The following SIDT1 variants were observed in gnomAD, a reference collection of about 807,000 sequenced individuals.
SIDT1 encodes the protein SID1 transmembrane family member 1.
SIDT1 carries 101 observed loss-of-function variants against 107.5 expected under a neutral mutation model. The ratio of observed to expected loss-of-function variants is 0.94; its 90% CI spans 0.80 to 1.11. SIDT1 has a LOEUF of 1.11. SIDT1 is among the 50% of genes least tolerant of loss of function. The pLI, the probability that SIDT1 is intolerant of heterozygous loss-of-function variation, is 0.00. For synonymous variants in SIDT1, 395 were observed against 398.2 expected (o/e 0.99, Z 0.10); for missense variants, 1,076 against 1,058.2 (o/e 1.02, Z -0.23).
At chr3:113,608,276 G>T (rs1417687964) in intron 16 of SIDT1, 59 bp downstream of exon 16, 3 of 1,554,418 alleles carry the variant, frequency 1.9e-6, no homozygotes, top group Non-Finnish European at 1.7e-6. Context: ...GATCTGCAAA[G>T]GGGTGGGACA....
chr3:113,583,584 A>G (rs1028808167), intron 7 of SIDT1, 88 bp downstream of exon 7: 4 of 920,010 alleles, frequency 4.3e-6, no homozygotes, highest in Non-Finnish European at 6.5e-6. Context: ...TCTAGTTCCC[A>G]CTAAACAAGG....
rs189377792 is a variant in SIDT1 at position 113,599,818 on chromosome 3, A to T, written c.1046-1770A>T. On this transcript the variant is annotated intron_variant, in intron 10 of 24. Coordinates refer to ENST00000264852, the MANE Select transcript of SIDT1 (RefSeq NM_017699.3). The stretch of plus-strand genomic sequence containing the variant: ...AATAAGTCTAGTATACAGTAGGAAG[A>T]ATATATATAGTTAATAATATTGCAT... Among the ~76,000 whole-genome samples the T allele has an allele frequency of 4.7e-4, 71 of 152,314 alleles. 1 individual carries two copies. The East Asian group carries it at 0.013, about 28-fold the overall frequency.
chr3:113,556,238 AC>A (rs1172804940), intron 1 of SIDT1, among the ~76,000 whole-genome samples: 1 of 152,252 alleles, frequency 6.6e-6, no homozygotes, highest in Non-Finnish European at 1.5e-5. Context: ...GAATCAGACC[AC>A]AGGAATTTTT....
intron 1 of SIDT1, among the ~76,000 whole-genome samples, chr3:113,540,507 T>C (rs1233833572): frequency 6.6e-6 from 1 of 152,240 alleles, no homozygotes; most frequent in Non-Finnish European, 1.5e-5. Context: ...TATTTCATCA[T>C]GGGTGTTGAG....
downstream of SIDT1, among the ~76,000 whole-genome samples, chr3:113,634,172 A>G (rs190592776): frequency 6.6e-6 from 1 of 152,332 alleles, no homozygotes; most frequent in East Asian, 1.9e-4. Context: ...CTGAAGAAAT[A>G]AAAACAGCTC....
chr3:113,572,761 T>C (rs1428745002), intron 3 of SIDT1, among the ~76,000 whole-genome samples: 5 of 152,192 alleles, frequency 3.3e-5, no homozygotes, highest in African/African-American at 1.2e-4. Flanking sequence ...AAATTTATAG[T>C]CCTCCATGAA....
At chr3:113,619,058 C>T (rs1270664950) in intron 20 of SIDT1, among the ~76,000 whole-genome samples, 1 of 152,220 alleles carries the variant, frequency 6.6e-6, no homozygotes, top group Non-Finnish European at 1.5e-5. Context: ...CTCCTGACCT[C>T]AGGTAATCTG....
chr3:113,605,191 C>T (rs968508720), intron 14 of SIDT1, among the ~76,000 whole-genome samples: 6 of 139,262 alleles, frequency 4.3e-5, no homozygotes, highest in Non-Finnish European at 9.1e-5. Context: ...GGCACGATGT[C>T]GGCTCACTGC....
chr3:113,607,250 A>C, intron 15 of SIDT1, 136 bp downstream of exon 15: 1 of 590,756 alleles, frequency 1.7e-6, no homozygotes, highest in Non-Finnish European at 3.1e-6. Context: ...AACTAAACCA[A>C]GAAGTTGAGA....
intron 3 of SIDT1, among the ~76,000 whole-genome samples, chr3:113,569,138 C>CAAAAAAAAAA (rs780715523): frequency 1.8e-5 from 1 of 55,486 alleles, no homozygotes; most frequent in Admixed American, 2.2e-4. Flanking sequence ...GACTCCCTCT[C>CAAAAAAAAAA]AAAAAAAAAA....
intron 1 of SIDT1, among the ~76,000 whole-genome samples, chr3:113,559,656 G>T (rs918529010): frequency 3.3e-5 from 5 of 152,056 alleles, no homozygotes; most frequent in African/African-American, 1.2e-4. Flanking sequence ...TGTTGCTTAG[G>T]CTGGTTTCGA....
chr3:113,621,756 A>T (rs1330335764), intron 21 of SIDT1, among the ~76,000 whole-genome samples: 3 of 152,210 alleles, frequency 2.0e-5, no homozygotes, highest in African/African-American at 7.2e-5. Flanking sequence ...GTTAGGCAAA[A>T]ATTTCAAAGA....
Position 113,585,187 on chromosome 3 carries a change from T to G in SIDT1, c.918T>G (p.Tyr306Ter). 1 of 1,613,064 alleles carries G rather than the reference T, an allele frequency of 6.2e-7. No homozygotes were observed. The highest frequency in any genetic ancestry group is 8.5e-7 in the Non-Finnish European group (1 of 1,179,096). ...TTTCTCTCCCTTCAGAATCTGTTTA[T>G]GTGAAATCCAGTCTTTTCAGTGTCT... Reference protein sequence around the residue: ...TIVPSIKESVYVKSSLFSVFI... With the variant: ...TIVPSIKESV Residue 306 changes from tyrosine to a stop codon, truncating the protein, a stop_gained, in exon 9 of 25, where the codon TAT (tyrosine) becomes TAG (stop). Transcript: ENST00000264852. LOFTEE classifies it high-confidence loss of function.
chr3:113,581,323 A>G (rs1207661636), intron 5 of SIDT1, 38 bp from the exon 6 acceptor site: 2 of 1,517,830 alleles, frequency 1.3e-6, no homozygotes, highest in Non-Finnish European at 1.8e-6. Flanking sequence ...GCATGACATT[A>G]TGGATGCTTT....
rs376029862 is a variant in SIDT1 at position 113,627,602 on chromosome 3, A to G, written c.2422-44A>G. ...GAGAGAAAACAGGACTTAGTGTGAC[A>G]GTGACTGTCCATTCCTTTCATTTCT... On this transcript the variant is annotated intron_variant, in intron 24 of 24. Transcript: ENST00000264852. The G allele has an allele frequency of 2.2e-5, 35 of 1,584,852 alleles. No individual in the cohort carries two copies. In the African/African-American group the frequency reaches 3.6e-4, roughly 16 times the overall value.
In SIDT1 at chr3:113,532,969, C is replaced by A; in HGVS notation, c.-53C>A. ...GGGCTTTGGAAGGACCCTCTCTGCG[C>A]TCGCCCCCTCCCCAGGGTGGCTCCG... is the stretch of plus-strand genomic sequence containing the variant. On this transcript the variant is annotated 5_prime_UTR_variant, in exon 1 of 25. Coordinates refer to ENST00000264852, the MANE Select transcript of SIDT1 (RefSeq NM_017699.3). 1 of 1,224,826 alleles carries A rather than the reference C, an allele frequency of 8.2e-7. No homozygotes were observed. Among genetic ancestry groups the A allele is most frequent in the Non-Finnish European group, 1.0e-6 (1 of 954,416 alleles). The allele number at this position is 1,224,826 out of a possible 1,614,324, so 75.9% of individuals were successfully genotyped here.
intron 1 of SIDT1, among the ~76,000 whole-genome samples, chr3:113,546,563 T>C (rs547817014): frequency 1.5e-4 from 23 of 152,308 alleles, no homozygotes; most frequent in African/African-American, 5.1e-4. Context: ...TTTTTGGTTG[T>C]CATTTTGTTT....
At chr3:113,580,857 G>A (rs1006990228) in intron 5 of SIDT1, 148 bp downstream of exon 5, 14 of 593,516 alleles carry the variant, frequency 2.4e-5, no homozygotes, top group African/African-American at 3.7e-5. Context: ...CTGTGAGCAC[G>A]AGTGGGCAGA....
chr3:113,601,505 T>C (rs1279957736), intron 10 of SIDT1, 83 bp from the exon 11 acceptor site: 9 of 938,400 alleles, frequency 9.6e-6, no homozygotes, highest in Non-Finnish European at 1.4e-5. Flanking sequence ...TAATGTGCCC[T>C]GATGATTCAA....
Sources: gnomAD v4.1 joint callset for allele counts (sites outside exome capture counted in the v4.1 genomes callset) on GRCh38, gnomAD v4.1.1 for gene constraint, MANE v1.5 for transcripts, NCBI Gene and HGNC (gene_info 2026-07-23, HGNC 2026-07-21) for gene names.